JMJD1C: variants seen among roughly 807,000 people sequenced by gnomAD.
JMJD1C encodes the protein jumonji domain-containing protein 1C.
In JMJD1C, 31 loss-of-function variants were observed where a neutral mutation model predicts 245.3. The ratio of observed to expected loss-of-function variants is 0.13; its 90% confidence interval spans 0.09 to 0.17. The LOEUF (loss-of-function observed/expected upper bound fraction) is 0.17, where lower values mean the gene tolerates loss of function less well. Ranked by LOEUF, JMJD1C falls within the 10% of genes least tolerant of loss-of-function variation. JMJD1C has a pLI of 1.00. For synonymous variants in JMJD1C, 1,057 were observed against 1,017.4 expected (o/e 1.04, Z -0.74); for missense variants, 2,691 against 3,000.2 (o/e 0.90, Z 2.41).
At chr10:63,410,144 C>T (rs1044237970) in intron 1 of JMJD1C, among the ~76,000 whole-genome samples, 1 of 152,122 alleles carries the variant, frequency 6.6e-6, no homozygotes, top group African/African-American at 2.4e-5. Context: ...GACAAGCAGA[C>T]CCTAGGTATT....
chr10:63,358,007 A>G (rs1405716381), intron 2 of JMJD1C, among the ~76,000 whole-genome samples: 1 of 151,778 alleles, frequency 6.6e-6, no homozygotes, highest in Non-Finnish European at 1.5e-5. Context: ...GTATTTCTGG[A>G]CAGGAGAAAA....
intron 3 of JMJD1C, among the ~76,000 whole-genome samples, chr10:63,254,102 G>A (rs1259981175): frequency 6.6e-6 from 1 of 152,136 alleles, no homozygotes; most frequent in African/African-American, 2.4e-5. Flanking sequence ...GCAAGAGACT[G>A]ACAAGGGCTT....
intron 1 of JMJD1C, among the ~76,000 whole-genome samples, chr10:63,401,089 C>T (rs1315108294): frequency 6.6e-6 from 1 of 152,106 alleles, no homozygotes; most frequent in East Asian, 1.9e-4. Flanking sequence ...AAACTCTTCA[C>T]CTCAGGTGAT....
At chr10:63,257,246 A>G (rs1277960508) in intron 3 of JMJD1C, among the ~76,000 whole-genome samples, 2 of 148,608 alleles carry the variant, frequency 1.3e-5, no homozygotes, top group African/African-American at 4.9e-5. Flanking sequence ...AAAAAAAAAG[A>G]AAGAAAAGGA....
chr10:63,480,451 G>A (rs1375401889), intron 1 of JMJD1C, among the ~76,000 whole-genome samples: 1 of 151,624 alleles, frequency 6.6e-6, no homozygotes, highest in African/African-American at 2.4e-5. Context: ...GCAAAGCACT[G>A]GGATCATAAG....
intron 1 of JMJD1C, among the ~76,000 whole-genome samples, chr10:63,403,993 T>C (rs766223887): frequency 6.6e-6 from 1 of 151,726 alleles, no homozygotes; most frequent in African/African-American, 2.4e-5. Flanking sequence ...CACGCACCTG[T>C]AGTCCCAGCT....
intron 3 of JMJD1C, among the ~76,000 whole-genome samples, chr10:63,242,606 G>C (rs1337158369): frequency 6.6e-6 from 1 of 152,144 alleles, no homozygotes; most frequent in Non-Finnish European, 1.5e-5. Flanking sequence ...CATGCCTGCA[G>C]TCCCAGCAAC....
chr10:63,273,252 G>A (rs1238348870), intron 2 of JMJD1C, among the ~76,000 whole-genome samples: 1 of 152,118 alleles, frequency 6.6e-6, no homozygotes, highest in African/African-American at 2.4e-5. Context: ...AGAGTGCAGT[G>A]GAGCTATCAG....
chr10:63,220,114 C>T, intron 3 of JMJD1C, 131 bp from the exon 4 acceptor site: 2 of 561,998 alleles, frequency 3.6e-6, no homozygotes, highest in Middle Eastern at 5.6e-4. Context: ...AACACAAATT[C>T]ATGAGTTATA....
chr10:63,459,238 G>A (rs1952622475), intron 1 of JMJD1C, among the ~76,000 whole-genome samples: 1 of 152,094 alleles, frequency 6.6e-6, no homozygotes, highest in African/African-American at 2.4e-5. Flanking sequence ...AGTCAATCAG[G>A]TTTTGCTTCC....
chr10:63,208,273 A>C lies in JMJD1C; in HGVS notation c.3396T>G (p.Asn1132Lys). The C allele has an allele frequency of 6.2e-7, 1 of 1,614,064 alleles. No homozygotes were observed. Among genetic ancestry groups the C allele is most frequent in the Non-Finnish European group, 8.5e-7 (1 of 1,179,978 alleles). Residue 1132 changes from asparagine to lysine, a missense_variant, in exon 10 of 26, where the codon AAT becomes AAG. This residue lies in a region of JMJD1C where 1,562 missense variants were observed against 1,490.7 expected (regional missense o/e 1.05). Transcript: ENST00000399262. ...QSNALAAAAANPQTLTSFITS... is the reference protein window; with the variant it reads ...QSNALAAAAAKPQTLTSFITS... ...TTATAAATGAAGTCAGAGTTTGAGG[A>C]TTAGCTGCTGCCGCTGCAAGGGCAT... is the stretch of plus-strand genomic sequence containing the variant.
At chr10:63,473,011 T>C (rs1270090240) in intron 1 of JMJD1C, among the ~76,000 whole-genome samples, 2 of 151,718 alleles carry the variant, frequency 1.3e-5, no homozygotes, top group East Asian at 3.9e-4. Flanking sequence ...TCTCGATCTC[T>C]TGACCTCATG....
chr10:63,406,790 A>T (rs1428885524), intron 1 of JMJD1C, among the ~76,000 whole-genome samples: 1 of 152,176 alleles, frequency 6.6e-6, no homozygotes, highest in African/African-American at 2.4e-5. Flanking sequence ...TAAAATTGAT[A>T]AAATGTCTTC....
intron 2 of JMJD1C, among the ~76,000 whole-genome samples, chr10:63,308,581 T>C (rs957216012): frequency 5.4e-5 from 8 of 148,294 alleles, no homozygotes; most frequent in Non-Finnish European, 8.9e-5. Context: ...AGTTATTTCG[T>C]CTAAGAAACA....
chr10:63,212,196 T>C (rs1031941449), intron 8 of JMJD1C, among the ~76,000 whole-genome samples: 1 of 152,156 alleles, frequency 6.6e-6, no homozygotes, highest in African/African-American at 2.4e-5. Flanking sequence ...TTAATGGCTA[T>C]AGTTTCAGTT....
Position 63,214,585 on chromosome 10 carries a change from T to C in JMJD1C, c.1582A>G (p.Thr528Ala). Residue 528 changes from threonine (T) to alanine (A), a missense_variant, in exon 8 of 26, where the codon ACC (threonine) becomes GCC (alanine). Transcript: ENST00000399262. The stretch of plus-strand genomic sequence containing the variant: ...TTCTGAAGTGTCTGAAGGCCAAAGG[T>C]ACTTGAGTTTTCCTGAGCCACCTTT... ...LEKVAQENSS[T>A]FGLQTLQKMD... 1.9e-6 allele frequency: 3 copies of C among 1,614,084 alleles called. No homozygotes were observed. Among genetic ancestry groups the C allele is most frequent in the Non-Finnish European group, 2.5e-6 (3 of 1,179,988 alleles).
At chr10:63,199,395 G>A (rs1264816410) in intron 11 of JMJD1C, among the ~76,000 whole-genome samples, 1 of 152,072 alleles carries the variant, frequency 6.6e-6, no homozygotes, top group African/African-American at 2.4e-5. Context: ...TCAAATAGCT[G>A]ATGTCTAAGA....
In JMJD1C at chr10:63,353,879, T is replaced by C. The variant is rs1392777101; in HGVS notation, c.333+26439A>G. On this transcript the variant is annotated intron_variant, in intron 2 of 25. Transcript: ENST00000399262. ...GTTTTTGAGATGGAGTCTCGCTTGG[T>C]AGCCAGGCTGGAGTGCAGTGGTGCC... Among the ~76,000 whole-genome samples the C allele has an allele frequency of 4.2e-5, 6 of 142,390 alleles. No individual in the cohort carries two copies. The South Asian group carries it at 1.3e-3, about 32-fold the overall frequency. 93.4% of individuals were successfully genotyped at this position (142,390 alleles called of 152,430 possible). A position where few individuals can be genotyped will look rare whatever the true frequency, so the allele number is the denominator to read the frequency against.
intron 23 of JMJD1C, 197 bp downstream of exon 23, chr10:63,177,520 A>G (rs887889177): frequency 1.2e-5 from 7 of 580,968 alleles, no homozygotes; most frequent in Middle Eastern, 4.7e-4. Flanking sequence ...ATCACCATTC[A>G]AAACCCTCAA....
Sources: allele counts gnomAD v4.1 joint callset (sites outside exome capture counted in the v4.1 genomes callset), GRCh38; gene constraint gnomAD v4.1.1; regional missense constraint gnomAD v4.1.1; transcripts MANE v1.5; gene names NCBI Gene and HGNC (gene_info 2026-07-23, HGNC 2026-07-21).